Variants in PIBF1 observed in about 807,000 individuals in gnomAD.
PIBF1 encodes progesterone-induced-blocking factor 1.
PIBF1 carries 90 observed loss-of-function variants against 112.5 expected under a neutral mutation model. The ratio of observed to expected loss-of-function variants is 0.80; its 90% CI spans 0.67 to 0.95. The LOEUF (loss-of-function observed/expected upper bound fraction) is 0.95. PIBF1 is among the 40% of genes least tolerant of loss of function. The pLI, the probability that PIBF1 is intolerant of heterozygous loss-of-function variation, is 0.00. For missense variants in PIBF1, 915 were observed against 852.3 expected (o/e 1.07, Z -0.92); for synonymous variants, 301 against 288.6 (o/e 1.04, Z -0.44).
At chr13:72,959,451 A>C (rs7982847) in intron 14 of PIBF1, among the ~76,000 whole-genome samples, 29,783 of 152,154 alleles carry the variant, frequency 0.2, 3,050 homozygotes, top group Middle Eastern at 0.26. Context: ...TTCTGTACAA[A>C]CTACCACCAC....
chr13:72,792,652 T>C, intron 3 of PIBF1, 105 bp downstream of exon 3: 2 of 598,054 alleles, frequency 3.3e-6, no homozygotes, highest in Admixed American at 3.7e-5. Flanking sequence ...AGAGAAATTT[T>C]AAGTCAGAGA....
intron 8 of PIBF1, among the ~76,000 whole-genome samples, chr13:72,833,475 G>C (rs942719565): frequency 3.3e-5 from 5 of 152,058 alleles, no homozygotes; most frequent in Admixed American, 2.0e-4. Flanking sequence ...CTATTCCTTT[G>C]TGTTTGTTAA....
In PIBF1 at chr13:72,898,696, A is replaced by T. The variant is rs541940991; in HGVS notation, c.1488+4747A>T. Among the ~76,000 whole-genome samples, 714 of 150,116 alleles carry T rather than the reference A, an allele frequency of 4.8e-3. 3 individuals are homozygous for T. The highest frequency in any genetic ancestry group is 0.017 in the Middle Eastern group (5 of 288). On this transcript the variant is annotated intron_variant, in intron 11 of 17. Transcript: ENST00000326291. Reference sequence around the variant, plus strand: ...TACTAAAAATGCAAAAAAAAAAAAAAAATAAAGCCGGGCATGTGGCTCATG... The same window carrying T: ...TACTAAAAATGCAAAAAAAAAAAAATAATAAAGCCGGGCATGTGGCTCATG...
At chr13:72,852,382 G>A (rs577621199) in intron 9 of PIBF1, among the ~76,000 whole-genome samples, 6 of 152,272 alleles carry the variant, frequency 3.9e-5, no homozygotes, top group South Asian at 2.1e-4. Context: ...CCTACCCCAC[G>A]GCAGCCGGTG....
rs3077704 is a variant in PIBF1, at chr13:72,931,718, G to GTATATATATATATATATATATATA, written c.1833+453_1833+476dup. 5.6e-3 allele frequency among the ~76,000 whole-genome samples: 565 copies of GTATATATATATATATATATATATA among 101,762 alleles called. 12 individuals are homozygous for GTATATATATATATATATATATATA. The highest frequency in any genetic ancestry group is 0.017 in the Middle Eastern group (3 of 174). The allele number at this position is 101,762 out of a possible 152,430, so 66.8% of individuals were successfully genotyped here. On this transcript the variant is annotated intron_variant, in intron 14 of 17. Transcript: ENST00000326291. ...CTTAGCCTTATGTCATTTAAACTAC[G>GTATATATATATATATATATATATA]TATATATATATATATATATATATAT...
intron 5 of PIBF1, among the ~76,000 whole-genome samples, chr13:72,812,320 T>G (rs534492006): frequency 1.5e-4 from 23 of 152,310 alleles, no homozygotes; most frequent in Non-Finnish European, 2.8e-4. Context: ...AACAGATGCA[T>G]ATGATGGTTC....
chr13:72,827,919 G>T lies in PIBF1; in HGVS notation c.1097+5G>T. 1 of 1,538,872 alleles carries T rather than the reference G, an allele frequency of 6.5e-7. No homozygotes were observed. On this transcript the variant is annotated splice_donor_5th_base_variant and intron_variant, in intron 8 of 17. Coordinates refer to ENST00000326291, the MANE Select transcript of PIBF1 (RefSeq NM_006346.4). ...TGAAAAATATGTAGCATCCAGGCAA[G>T]ATTTGCATTATTTCCCACGTAAATA...
intron 8 of PIBF1, among the ~76,000 whole-genome samples, chr13:72,831,513 TC>T (rs1375862867): frequency 6.6e-6 from 1 of 152,178 alleles, no homozygotes; most frequent in East Asian, 1.9e-4. Flanking sequence ...TGCCTTCATT[TC>T]GTTGTTTACC....
At chr13:72,894,223 A>G (rs1170869065) in intron 11 of PIBF1, among the ~76,000 whole-genome samples, 3 of 152,128 alleles carry the variant, frequency 2.0e-5, no homozygotes, top group African/African-American at 7.2e-5. Flanking sequence ...ACAGTGCAGA[A>G]TGTATACGAA....
At chr13:72,805,672 A>T (rs1271903084) in intron 5 of PIBF1, among the ~76,000 whole-genome samples, 1 of 152,228 alleles carries the variant, frequency 6.6e-6, no homozygotes, top group Non-Finnish European at 1.5e-5. Flanking sequence ...TTCACCCAAG[A>T]ATTTTAAGGG....
intron 5 of PIBF1, among the ~76,000 whole-genome samples, chr13:72,798,779 A>T (rs895405650): frequency 6.6e-6 from 1 of 152,154 alleles, no homozygotes; most frequent in Admixed American, 6.5e-5. Context: ...TTTTCTTCAA[A>T]TATTTCGTTA....
chr13:72,887,054 T>C (rs951256160), intron 10 of PIBF1, among the ~76,000 whole-genome samples: 1 of 150,974 alleles, frequency 6.6e-6, no homozygotes, highest in East Asian at 1.9e-4. Flanking sequence ...TTTTTTTTTT[T>C]CCAACTCACT....
intron 16 of PIBF1, among the ~76,000 whole-genome samples, chr13:72,989,636 GT>G (rs1403590928): frequency 6.6e-6 from 1 of 152,112 alleles, no homozygotes; most frequent in East Asian, 1.9e-4. Context: ...AGTTTCTTAG[GT>G]TTTGGTTTGT....
At chr13:72,874,851 G>C (rs1046467391) in intron 10 of PIBF1, among the ~76,000 whole-genome samples, 1 of 152,100 alleles carries the variant, frequency 6.6e-6, no homozygotes. Flanking sequence ...CCCTACACAT[G>C]TATAGCCTAC....
At chr13:72,935,415 G>T (rs1168692819) in intron 14 of PIBF1, among the ~76,000 whole-genome samples, 2 of 152,016 alleles carry the variant, frequency 1.3e-5, no homozygotes, top group Non-Finnish European at 2.9e-5. Context: ...ACATTTCGTT[G>T]TGTGGAAGTA....
At chr13:72,842,322 C>A (rs1425307873) in intron 9 of PIBF1, among the ~76,000 whole-genome samples, 4 of 152,022 alleles carry the variant, frequency 2.6e-5, no homozygotes, top group Admixed American at 6.6e-5. Flanking sequence ...GCTCTTGATG[C>A]AGTACAGAAT....
chr13:72,960,268 G>A (rs970906017), intron 14 of PIBF1, among the ~76,000 whole-genome samples: 2 of 152,052 alleles, frequency 1.3e-5, no homozygotes, highest in Non-Finnish European at 2.9e-5. Flanking sequence ...ACCTTTAGCC[G>A]GGCATGGTGG....
At chr13:72,947,928 G>A (rs1365538375) in intron 14 of PIBF1, among the ~76,000 whole-genome samples, 1 of 152,158 alleles carries the variant, frequency 6.6e-6, no homozygotes, top group Non-Finnish European at 1.5e-5. Flanking sequence ...GTCCTTTGCA[G>A]GAACATGGAT....
At chr13:72,880,880 T>G (rs1449528454) in intron 10 of PIBF1, among the ~76,000 whole-genome samples, 1 of 152,160 alleles carries the variant, frequency 6.6e-6, no homozygotes, top group Non-Finnish European at 1.5e-5. Flanking sequence ...GAATGCAGAT[T>G]TCAGCTTTGC....
Sources: gnomAD v4.1 joint callset for allele counts (sites outside exome capture counted in the v4.1 genomes callset) on GRCh38, gnomAD v4.1.1 for gene constraint, MANE v1.5 for transcripts, NCBI Gene and HGNC (gene_info 2026-07-23, HGNC 2026-07-21) for gene names.